Variants in OPRM1 observed in about 807,000 individuals in gnomAD.
OPRM1 encodes the protein mu-type opioid receptor.
In OPRM1, 27 loss-of-function variants were observed where a neutral mutation model predicts 31.8. That is an observed-to-expected ratio of 0.85 (90% confidence interval 0.63 to 1.17). The LOEUF (loss-of-function observed/expected upper bound fraction) is 1.17. OPRM1 is among the 50% of genes most tolerant of loss of function. OPRM1 has a pLI of 0.00. For missense variants in OPRM1, 536 were observed against 511.1 expected (o/e 1.05, Z -0.47); for synonymous variants, 196 against 189.9 (o/e 1.03, Z -0.26).
chr6:154,146,194 G>A (rs999961186), intron 3 of OPRM1, among the ~76,000 whole-genome samples: 1 of 152,232 alleles, frequency 6.6e-6, no homozygotes, highest in Admixed American at 6.5e-5. Context: ...GAGGTCAGGA[G>A]TTCAAGACCA....
intron 3 of OPRM1, among the ~76,000 whole-genome samples, chr6:154,201,731 C>T (rs564903573): frequency 2.0e-5 from 3 of 152,172 alleles, no homozygotes; most frequent in Non-Finnish European, 2.9e-5. Context: ...CCCGTCTCTA[C>T]TAAAAATACA....
chr6:154,050,840 G>A (rs2128415563), intron 1 of OPRM1, among the ~76,000 whole-genome samples: 1 of 152,136 alleles, frequency 6.6e-6, no homozygotes, highest in African/African-American at 2.4e-5. Context: ...ATTTCACATT[G>A]TCTGCCTGTA....
chr6:154,078,865 C>G (rs17181143), intron 1 of OPRM1, among the ~76,000 whole-genome samples: 78 of 151,098 alleles, frequency 5.2e-4, no homozygotes, highest in Middle Eastern at 3.4e-3. Flanking sequence ...GCGACAGAGC[C>G]AGACCTTATG....
At chr6:154,015,198 GA>G (rs1410599416) in intron 1 of OPRM1, among the ~76,000 whole-genome samples, 2 of 151,840 alleles carry the variant, frequency 1.3e-5, no homozygotes, top group East Asian at 1.9e-4. Context: ...GTTCATTTGG[GA>G]AAAAAAGCAA....
At chr6:154,176,448 T>G (rs56063182) in intron 3 of OPRM1, among the ~76,000 whole-genome samples, 1 of 152,218 alleles carries the variant, frequency 6.6e-6, no homozygotes, top group Non-Finnish European at 1.5e-5. Context: ...CAAAATCTCC[T>G]TAAGCTGATA....
chr6:154,152,913 T>C (rs1798579949), intron 3 of OPRM1, among the ~76,000 whole-genome samples: 1 of 151,754 alleles, frequency 6.6e-6, no homozygotes, highest in African/African-American at 2.4e-5. Context: ...TTTTTTTTTT[T>C]TTTTTTAAAG....
intron 1 of OPRM1, among the ~76,000 whole-genome samples, chr6:154,076,922 G>A (rs1369713171): frequency 6.6e-6 from 1 of 151,966 alleles, no homozygotes; most frequent in African/African-American, 2.4e-5. Flanking sequence ...GTCCATGAAT[G>A]TGGATTCTTT....
At chr6:154,046,081 T>A (rs1436137469) in intron 1 of OPRM1, among the ~76,000 whole-genome samples, 1 of 152,234 alleles carries the variant, frequency 6.6e-6, no homozygotes, top group Non-Finnish European at 1.5e-5. Flanking sequence ...TGTTATTTTA[T>A]AATTGGTGAC....
At chr6:154,104,721 T>C (rs945678394) in intron 3 of OPRM1, among the ~76,000 whole-genome samples, 3 of 152,216 alleles carry the variant, frequency 2.0e-5, no homozygotes, top group African/African-American at 7.2e-5. Context: ...CATGACCTGA[T>C]TATTTGTATA....
At chr6:154,077,427 T>C (rs1432761733) in intron 1 of OPRM1, among the ~76,000 whole-genome samples, 1 of 149,638 alleles carries the variant, frequency 6.7e-6, no homozygotes. Flanking sequence ...CTTCAAGTCA[T>C]GTTTTTTAAA....
intron 3 of OPRM1, chr6:154,107,681 G>T (rs975799555): frequency 4.2e-6 from 3 of 718,550 alleles, no homozygotes. Flanking sequence ...AGAAGGTACT[G>T]CCGTGTGGTT....
chr6:154,066,141 C>T (rs1042743247), intron 1 of OPRM1, among the ~76,000 whole-genome samples: 1 of 151,898 alleles, frequency 6.6e-6, no homozygotes, highest in African/African-American at 2.4e-5. Context: ...ATGTATAATC[C>T]TCTCAATATG....
At chr6:154,113,818 C>T (rs1278881495) in intron 3 of OPRM1, among the ~76,000 whole-genome samples, 1 of 152,124 alleles carries the variant, frequency 6.6e-6, no homozygotes, top group East Asian at 1.9e-4. Flanking sequence ...TCTGATGGAC[C>T]ATGTGATTAT....
intron 1 of OPRM1, among the ~76,000 whole-genome samples, chr6:154,069,718 C>T (rs183853093): frequency 2.6e-4 from 40 of 152,252 alleles, no homozygotes; most frequent in African/African-American, 7.2e-4. Flanking sequence ...TTCTGCTGCA[C>T]GTGGAAATCC....
At chr6:154,110,414 A>C (rs768817379) in intron 3 of OPRM1, 1 of 1,502,328 alleles carries the variant, frequency 6.7e-7, no homozygotes, top group South Asian at 1.2e-5. Context: ...AGGGCTAATA[A>C]TTACAATATT....
At chr6:154,150,722 T>C (rs1798478493) in intron 3 of OPRM1, among the ~76,000 whole-genome samples, 2 of 152,264 alleles carry the variant, frequency 1.3e-5, no homozygotes, top group Non-Finnish European at 2.9e-5. Flanking sequence ...GTTCCTTCTC[T>C]GTCAAGATCC....
intron 3 of OPRM1, among the ~76,000 whole-genome samples, chr6:154,148,771 T>A (rs1166451280): frequency 6.6e-6 from 1 of 152,200 alleles, no homozygotes; most frequent in East Asian, 1.9e-4. Context: ...TGGAAGGCTT[T>A]CCATTCATCA....
rs1797784999 is a variant in OPRM1, at chr6:154,129,825, C to T, written c.*11104C>T. 6.7e-6 allele frequency among the ~76,000 whole-genome samples: 1 copy of T among 148,974 alleles called. No homozygotes were observed. Among genetic ancestry groups the T allele is most frequent in the Non-Finnish European group, 1.5e-5 (1 of 67,510 alleles). On this transcript the variant is annotated 3_prime_UTR_variant, in exon 4 of 4. Coordinates refer to ENST00000330432, the MANE Select transcript of OPRM1 (RefSeq NM_000914.5). ...TCAGGCACTTTGCATTTTAAGCGTACTTTACCACCGACACCCTCCCCCCCC... is the reference window on the plus strand; with the variant it reads ...TCAGGCACTTTGCATTTTAAGCGTATTTTACCACCGACACCCTCCCCCCCC...
intron 1 of OPRM1, among the ~76,000 whole-genome samples, chr6:154,060,000 C>A (rs1189261699): frequency 2.0e-5 from 3 of 152,100 alleles, no homozygotes; most frequent in Non-Finnish European, 2.9e-5. Flanking sequence ...AAGTGTCTGC[C>A]TTTTCCTCTT....
Sources: allele counts gnomAD v4.1 joint callset (sites outside exome capture counted in the v4.1 genomes callset), GRCh38; gene constraint gnomAD v4.1.1; transcripts MANE v1.5; gene names NCBI Gene and HGNC (gene_info 2026-07-23, HGNC 2026-07-21).